The following ABCA4 variants were observed in gnomAD, a reference collection of about 807,000 sequenced individuals.
ABCA4 encodes ATP binding cassette subfamily A member 4.
A neutral mutation model predicts 263.7 loss-of-function variants in ABCA4; 196 were observed. That is an observed-to-expected ratio of 0.74 (90% CI 0.66 to 0.84). The LOEUF is 0.84. ABCA4 is among the 40% of genes least tolerant of loss of function. The pLI, the probability that ABCA4 is intolerant of heterozygous loss-of-function variation, is 0.00. For missense variants in ABCA4, 2,792 were observed against 2,855.1 expected, an observed-to-expected ratio of 0.98 and a Z score of 0.50; for synonymous variants, 1,133 against 1,094.2, an observed-to-expected ratio of 1.04 and a Z score of -0.70.
chr1:94,072,642 C>T (rs1661435268), intron 11 of ABCA4, among the ~76,000 whole-genome samples: 1 of 152,164 alleles, frequency 6.6e-6, no homozygotes, highest in Non-Finnish European at 1.5e-5. Context: ...AATGAATACA[C>T]ATACCAGTTT....
chr1:94,098,121 C>T (rs561060952), intron 6 of ABCA4, among the ~76,000 whole-genome samples: 1 of 152,306 alleles, frequency 6.6e-6, no homozygotes, highest in Non-Finnish European at 1.5e-5. Context: ...TTATCTAATT[C>T]CTTCTCATCT....
At position 93,998,061 on chromosome 1, in the gene ABCA4, C is replaced by T. The variant is rs1800555; in HGVS notation, c.6529G>A (p.Asp2177Asn). ...VTMKIKSPKD[D>N]LLPDLNPVEQ... ...ACAGGGTTCAGGTCAGGAAGCAGGTCGTCCTTCGGGGATTTGATCTTCATT... is the reference window on the plus strand; with the variant it reads ...ACAGGGTTCAGGTCAGGAAGCAGGTTGTCCTTCGGGGATTTGATCTTCATT... Residue 2177 changes from aspartate to asparagine, a missense_variant, in exon 48 of 50, where the codon GAC (aspartate) becomes AAC (asparagine). Asp to Asn is a conservative substitution (Grantham distance 23, BLOSUM62 1). Transcript: ENST00000370225. 18,903 of 1,614,162 alleles carry T rather than the reference C, an allele frequency of 0.012. 191 individuals are homozygous for T. The highest frequency in any genetic ancestry group is 0.012 in the Non-Finnish European group (14,601 of 1,180,028).
At chr1:94,098,611 T>C (rs1662194983) in intron 6 of ABCA4, among the ~76,000 whole-genome samples, 183 bp downstream of exon 6, 1 of 152,188 alleles carries the variant, frequency 6.6e-6, no homozygotes, top group African/African-American at 2.4e-5. Context: ...TAGTGACTTC[T>C]GGGTCCCTGG....
At position 94,082,919 on chromosome 1, in the gene ABCA4, A is replaced by C. The variant is rs148059558; in HGVS notation, c.858+433T>G. On this transcript the variant is annotated intron_variant, in intron 7 of 49. Coordinates refer to ENST00000370225, the MANE Select transcript of ABCA4 (RefSeq NM_000350.3). ...AAGTCCATTGTTTTCTTTATGATGA[A>C]ATAAGCCAACATAGGTAAAACACTT... Among the ~76,000 whole-genome samples, 833 of 152,388 alleles carry C rather than the reference A, an allele frequency of 5.5e-3. 11 individuals are homozygous for C. Among genetic ancestry groups the C allele is most frequent in the African/African-American group, 0.019 (803 of 41,584 alleles).
chr1:94,057,262 C>T (rs1218385322), intron 14 of ABCA4, among the ~76,000 whole-genome samples: 2 of 152,208 alleles, frequency 1.3e-5, no homozygotes, highest in African/African-American at 4.8e-5. Context: ...TCCTGTGAAT[C>T]ACTGTTTGCT....
chr1:94,078,546 C>T (rs546145505), intron 10 of ABCA4, 44 bp downstream of exon 10: 31 of 992,182 alleles, frequency 3.1e-5, no homozygotes, highest in Middle Eastern at 2.6e-4. Context: ...TTGCCCCCAC[C>T]GCTTCCTCCT....
At position 94,010,917 on chromosome 1, in the gene ABCA4, G is replaced by A. The variant is rs769828014; in HGVS notation, c.5597C>T (p.Ser1866Phe). ...DVYARFGEEH[S>F]ANPFHWDLIG... is the part of the protein sequence containing the mutation. ...CAGGTCCCAGTGGAACGGATTTGCA[G>A]AGTGCTCCTCACCTGGGCATCAACA... The change falls in exon 40 of 50, where the codon TCT becomes TTT. Residue 1866 changes from serine (S) to phenylalanine (F), a missense_variant. Physicochemically the swap from Ser to Phe is radical, Grantham distance 155. Coordinates refer to ENST00000370225, the MANE Select transcript of ABCA4 (RefSeq NM_000350.3). The A allele has an allele frequency of 3.1e-6, 5 of 1,614,094 alleles. No homozygotes were observed. Among genetic ancestry groups the A allele is most frequent in the Non-Finnish European group, 1.7e-6 (2 of 1,179,994 alleles).
At chr1:94,045,251 A>T (rs17110929) in intron 19 of ABCA4, among the ~76,000 whole-genome samples, 33,587 of 151,806 alleles carry the variant, frequency 0.22, 3,912 homozygotes, top group Middle Eastern at 0.41. Context: ...GAAGCCAGGC[A>T]TGGGAATTAC....
At chr1:93,999,346 G>A (rs945967273) in intron 47 of ABCA4, among the ~76,000 whole-genome samples, 13 of 152,280 alleles carry the variant, frequency 8.5e-5, no homozygotes, top group African/African-American at 2.6e-4. Flanking sequence ...GCACCTGGCC[G>A]TCAAAGGTAG....
At chr1:94,026,452 C>T (rs972954285) in intron 30 of ABCA4, among the ~76,000 whole-genome samples, 3 of 152,200 alleles carry the variant, frequency 2.0e-5, no homozygotes, top group African/African-American at 7.2e-5. Flanking sequence ...CTGACTTGCA[C>T]TGACTGGGCT....
At chr1:94,020,003 T>G (rs1383951141) in intron 35 of ABCA4, among the ~76,000 whole-genome samples, 1 of 152,244 alleles carries the variant, frequency 6.6e-6, no homozygotes, top group Non-Finnish European at 1.5e-5. Flanking sequence ...CCTTTCTTTT[T>G]ATTATATTCT....
intron 14 of ABCA4, among the ~76,000 whole-genome samples, chr1:94,059,067 C>T (rs946240161): frequency 1.3e-5 from 2 of 152,194 alleles, no homozygotes; most frequent in East Asian, 1.9e-4. Flanking sequence ...TACCTCACAT[C>T]GTAAAAGCTT....
In ABCA4 at chr1:94,054,937, T is replaced by A. The variant is rs1330723985; in HGVS notation, c.2587+174A>T. On this transcript the variant is annotated intron_variant, in intron 16 of 49. Transcript: ENST00000370225. ...GACAAGAGATCAGATTCTGGATTTG[T>A]TTCTCAAGTAGAGCCAGTAGGATTT... Among the ~76,000 whole-genome samples the A allele has an allele frequency of 2.6e-5, 4 of 152,126 alleles. No homozygotes were observed. In the East Asian group the frequency reaches 7.7e-4, roughly 29 times the overall value.
intron 1 of ABCA4, among the ~76,000 whole-genome samples, chr1:94,118,676 G>A (rs1163075095): frequency 2.0e-5 from 3 of 152,190 alleles, no homozygotes; most frequent in South Asian, 2.1e-4. Context: ...TCCAGTGAAC[G>A]CCAGCCCAGA....
intron 3 of ABCA4, 120 bp downstream of exon 3, chr1:94,111,318 G>A: frequency 7.3e-7 from 1 of 1,364,354 alleles, no homozygotes; most frequent in Non-Finnish European, 1.0e-6. Flanking sequence ...AAGAGGTTAG[G>A]GGCTCAGCAA....
At chr1:94,070,334 C>T (rs1177900185) in intron 11 of ABCA4, among the ~76,000 whole-genome samples, 1 of 152,180 alleles carries the variant, frequency 6.6e-6, no homozygotes, top group African/African-American at 2.4e-5. Context: ...GAAGCTTTTG[C>T]AAGCCGTGCC....
rs144697181 is a variant in ABCA4, at chr1:94,082,414, T to G, written c.858+938A>C. 2.2e-4 allele frequency among the ~76,000 whole-genome samples: 34 copies of G among 152,364 alleles called. No homozygotes were observed. In the East Asian group the frequency reaches 6.4e-3, roughly 29 times the overall value. Reference sequence around the variant, plus strand: ...TACTTTGGGGATTGTTTGTACATTCTCTATCAATTTCAACCTTATTGTAGT... The same window carrying G: ...TACTTTGGGGATTGTTTGTACATTCGCTATCAATTTCAACCTTATTGTAGT... On this transcript the variant is annotated intron_variant, in intron 7 of 49. Coordinates refer to ENST00000370225, the MANE Select transcript of ABCA4 (RefSeq NM_000350.3).
chr1:94,085,248 A>C (rs188621617), intron 6 of ABCA4, among the ~76,000 whole-genome samples: 1 of 152,220 alleles, frequency 6.6e-6, no homozygotes, highest in African/African-American at 2.4e-5. Context: ...CAGGAAAAAA[A>C]GGTGGAGAAC....
Position 94,043,445 on chromosome 1 carries a change from A to G in ABCA4, c.3081T>C (p.Tyr1027=). The G allele has an allele frequency of 1.9e-6, 3 of 1,614,182 alleles. No homozygotes were observed. Among genetic ancestry groups the G allele is most frequent in the Non-Finnish European group, 2.5e-6 (3 of 1,180,038 alleles). The change falls in exon 21 of 50, where the codon TAT becomes TAC. Residue 1027 remains tyrosine, a synonymous_variant. Coordinates refer to ENST00000370225, the MANE Select transcript of ABCA4 (RefSeq NM_000350.3). ...HLTVAEHMLF[Y]AQLKGKSQEE... Reference sequence around the variant, plus strand: ...CCTGGGACTTTCCTTTCAGCTGGGCATAGAACAGCATGTGCTCAGCCACCG... The same window carrying G: ...CCTGGGACTTTCCTTTCAGCTGGGCGTAGAACAGCATGTGCTCAGCCACCG...
Sources: allele counts gnomAD v4.1 joint callset (sites outside exome capture counted in the v4.1 genomes callset), GRCh38; gene constraint gnomAD v4.1.1; transcripts MANE v1.5; gene names NCBI Gene and HGNC (gene_info 2026-07-23, HGNC 2026-07-21).